Variants in CEP290 observed in about 807,000 individuals in gnomAD.
CEP290 encodes centrosomal protein of 290 kDa.
Under a neutral mutation model 344.9 loss-of-function variants are expected in CEP290, and 317 were observed. The ratio of observed to expected loss-of-function variants is 0.92; its 90% CI spans 0.84 to 1.01. CEP290 has a LOEUF of 1.01. Among genes scored for constraint, CEP290 ranks in the 50% least tolerant of loss-of-function variants. The probability of loss-of-function intolerance (pLI) is 0.00; values close to 1 mark genes in which losing one functional copy is unlikely to be tolerated. For synonymous variants in CEP290, 932 were observed against 895.8 expected, an observed-to-expected ratio of 1.04 and a Z score of -0.72; for missense variants, 2,754 against 2,761.4, an observed-to-expected ratio of 1.00 and a Z score of 0.06.
rs376027433 is a variant in CEP290, at chr12:88,093,845, T to C, written c.3234A>G (p.Lys1078=). ...NERQRAEHCQ[K]MYEHLRTSLK... Reference sequence around the variant, plus strand: ...ACGAAGTCCGTAAGTGTTCATACATTTTTTGACAATGTTCAGCCCGCTGCC... The same window carrying C: ...ACGAAGTCCGTAAGTGTTCATACATCTTTTGACAATGTTCAGCCCGCTGCC... The change falls in exon 28 of 54, where the codon AAA becomes AAG. Residue 1078 remains lysine (K), a synonymous_variant. Coordinates refer to ENST00000552810, the MANE Select transcript of CEP290 (RefSeq NM_025114.4). 43 of 1,612,896 alleles carry C rather than the reference T, an allele frequency of 2.7e-5. No individual in the cohort carries two copies. Among genetic ancestry groups the C allele is most frequent in the Non-Finnish European group, 3.6e-5 (42 of 1,179,390 alleles).
At chr12:88,079,495 C>T (rs1049832463) in intron 38 of CEP290, among the ~76,000 whole-genome samples, 3 of 151,960 alleles carry the variant, frequency 2.0e-5, no homozygotes, top group Non-Finnish European at 2.9e-5. Context: ...CAAGCTATTA[C>T]AAAAAACAGG....
At chr12:88,058,682 A>G (rs1229935172) in intron 49 of CEP290, 166 bp downstream of exon 49, 1 of 699,888 alleles carries the variant, frequency 1.4e-6, no homozygotes, top group African/African-American at 1.8e-5. Flanking sequence ...AGGAAGAAAA[A>G]GTCTCCAACA....
rs754587192 is a variant in CEP290, at chr12:88,096,968, T to G, written c.3023A>C (p.Glu1008Ala). The G allele has an allele frequency of 5.7e-6, 9 of 1,567,232 alleles. No homozygotes were observed. Among genetic ancestry groups the G allele is most frequent in the Non-Finnish European group, 7.8e-6 (9 of 1,153,204 alleles). The part of the protein sequence containing the change: ...CENISLKEQV[E>A]SINKELEITK... The stretch of plus-strand genomic sequence containing the variant: ...AATCTCCAGTTCTTTATTTATAGAC[T>G]CCACTTGTTCTTTTAAGGAGATGTT... The change falls in exon 27 of 54, where the codon GAG (glutamate) becomes GCG (alanine). Residue 1008 changes from glutamate to alanine, a missense_variant. Physicochemically the swap from Glu to Ala is moderately radical, Grantham distance 107. Transcript: ENST00000552810.
chr12:88,051,194 C>CTTT (rs11321423), intron 52 of CEP290, among the ~76,000 whole-genome samples: 1 of 86,440 alleles, frequency 1.2e-5, no homozygotes, highest in Non-Finnish European at 2.5e-5. Context: ...GGACAAGTAT[C>CTTT]TTTTTTTTTT....
At position 88,118,489 on chromosome 12, in the gene CEP290, T is replaced by G; in HGVS notation, c.1705A>C (p.Thr569Pro). ...TTAGAATAACTGAGTATACCTGAAG[T>G]TGCACTTCTTTTTCCTCTTTCTTGA... ...MAQERGKRSA[T>P]SGLTTEDLNL... Residue 569 changes from threonine to proline, a missense_variant, in exon 17 of 54, where the codon ACT (threonine) becomes CCT (proline). Thr to Pro is a conservative substitution (Grantham distance 38). Transcript: ENST00000552810. 1 of 1,556,098 alleles carries G rather than the reference T, an allele frequency of 6.4e-7. No homozygotes were observed. The highest frequency in any genetic ancestry group is 8.7e-7 in the Non-Finnish European group (1 of 1,148,630).
rs1197446816 is a variant in CEP290 at position 88,106,900 on chromosome 12, C to T, written c.2592G>A (p.Leu864=). 1.9e-6 allele frequency: 3 copies of T among 1,601,780 alleles called. No homozygotes were observed. In the East Asian group the frequency reaches 6.7e-5, roughly 36 times the overall value. Residue 864 remains leucine (L), a synonymous_variant, in exon 25 of 54, where the codon TTG becomes TTA. Coordinates refer to ENST00000552810, the MANE Select transcript of CEP290 (RefSeq NM_025114.4). ...DAIKVKEYNN[L]LNALQMDSDE... ...CCGAATCCATCTGAAGAGCATTGAG[C>T]AAATTCTGCACAAAGACACATCCAT... is the stretch of plus-strand genomic sequence containing the variant.
rs745494615 is a variant in CEP290 at position 88,139,573 on chromosome 12, T to C, written c.181-9A>G. On this transcript the variant is annotated splice_polypyrimidine_tract_variant and intron_variant, in intron 3 of 53. Coordinates refer to ENST00000552810, the MANE Select transcript of CEP290 (RefSeq NM_025114.4). ...ACTTCTTGAGCTTTCATCTAAACAT[T>C]AAAAAAAGGTTATTTCAATATGCCT... is the stretch of plus-strand genomic sequence containing the variant. 3.5e-5 allele frequency: 54 copies of C among 1,549,722 alleles called. No homozygotes were observed. The highest frequency in any genetic ancestry group is 4.4e-5 in the Non-Finnish European group (51 of 1,151,224).
chr12:88,062,707 A>G lies in CEP290; in HGVS notation c.6342T>C (p.Leu2114=). Residue 2114 remains leucine (L), a synonymous_variant, in exon 46 of 54, where the codon CTT becomes CTC. Coordinates refer to ENST00000552810, the MANE Select transcript of CEP290 (RefSeq NM_025114.4). ...TCTCACATACCCCTCTAACATGGCC[A>G]AGTTTCCGCTGAACTTCTGCTTTTT... The part of the protein sequence containing the change: ...KKEKAEVQRK[L]GHVRGSGRSG... 6.2e-7 allele frequency: 1 copy of G among 1,604,014 alleles called. No individual in the cohort carries two copies. Among genetic ancestry groups the G allele is most frequent in the Non-Finnish European group, 8.5e-7 (1 of 1,174,460 alleles).
rs560351950 is a variant in CEP290, at chr12:88,120,794, T to C, written c.1359+203A>G. ...AAAACTGATTATTTGGACAAATCAC[T>C]GTGATCAAAAGTTTGAAAACAATTC... On this transcript the variant is annotated intron_variant, in intron 14 of 53. Transcript: ENST00000552810. 4.7e-4 allele frequency among the ~76,000 whole-genome samples: 71 copies of C among 152,320 alleles called. No individual in the cohort carries two copies. In the South Asian group the frequency reaches 0.013, roughly 27 times the overall value.
At chr12:88,072,332 T>C (rs2035443121) in intron 41 of CEP290, among the ~76,000 whole-genome samples, 1 of 152,100 alleles carries the variant, frequency 6.6e-6, no homozygotes, top group South Asian at 2.1e-4. Context: ...TGAGGTCACA[T>C]CAGAATTTTC....
intron 41 of CEP290, among the ~76,000 whole-genome samples, chr12:88,074,724 G>A (rs2035632346): frequency 6.6e-6 from 1 of 152,116 alleles, no homozygotes; most frequent in Admixed American, 6.6e-5. Context: ...CCTAATACGA[G>A]GGGGTCCTGC....
At position 88,077,775 on chromosome 12, in the gene CEP290, T is replaced by A. The variant is rs1565822532; in HGVS notation, c.5508A>T (p.Ile1836=). The A allele has an allele frequency of 6.3e-6, 10 of 1,579,288 alleles. No individual in the cohort carries two copies. Among genetic ancestry groups the A allele is most frequent in the Non-Finnish European group, 7.7e-6 (9 of 1,161,368 alleles). Residue 1836 remains isoleucine (I), a synonymous_variant, in exon 40 of 54, where the codon ATA becomes ATT. Coordinates refer to ENST00000552810, the MANE Select transcript of CEP290 (RefSeq NM_025114.4). ...LQKKQKAYNK[I]LREKEEIDQE... is the part of the protein sequence containing the mutation. ...GATCAATTTCCTCTTTCTCTCTAAG[T>A]ATTTTATTATAGGCTTTTTGTTTCT...
Position 88,136,700 on chromosome 12 carries a change from A to G in CEP290, c.384T>C (p.Asp128=), listed in dbSNP as rs76267039. Residue 128 remains aspartate (D), a synonymous_variant, in exon 6 of 54, where the codon GAT becomes GAC. Coordinates refer to ENST00000552810, the MANE Select transcript of CEP290 (RefSeq NM_025114.4). The stretch of plus-strand genomic sequence containing the variant: ...CCTTTTCCATGTCCTCCAATTCTCT[A>G]TCTTTTTGTTCTAATTGTTTTTCAA... The part of the protein sequence containing the change: ...CQLEKQLEQK[D]RELEDMEKEL... The G allele has an allele frequency of 2.0e-4, 321 of 1,613,236 alleles. 1 individual carries two copies. In the East Asian group the frequency reaches 5.8e-3, roughly 29 times the overall value.
chr12:88,071,680 TA>T (rs1376429820), intron 42 of CEP290, 100 bp downstream of exon 42: 2 of 972,964 alleles, frequency 2.1e-6, no homozygotes, highest in East Asian at 5.6e-5. Context: ...TCATTTAAAC[TA>T]GACCATTTCT....
chr12:88,135,392 T>C (rs535743813), intron 6 of CEP290, among the ~76,000 whole-genome samples: 1 of 152,282 alleles, frequency 6.6e-6, no homozygotes, highest in African/African-American at 2.4e-5. Context: ...TACAGGTCTA[T>C]ATAGAAGAAC....
chr12:88,128,246 C>T (rs572652429), intron 11 of CEP290, among the ~76,000 whole-genome samples: 1 of 152,178 alleles, frequency 6.6e-6, no homozygotes, highest in South Asian at 2.1e-4. Flanking sequence ...ATTTCCATTG[C>T]TAATGCTTTT....
intron 35 of CEP290, 41 bp from the exon 36 acceptor site, chr12:88,083,995 T>G (rs1295742035): frequency 1.6e-6 from 2 of 1,234,702 alleles, no homozygotes; most frequent in African/African-American, 1.5e-5. Flanking sequence ...AAATTGTGAT[T>G]AAAACAAATT....
At chr12:88,118,825 T>C (rs921964067) in intron 15 of CEP290, 82 bp from the exon 16 acceptor site, 14 of 896,976 alleles carry the variant, frequency 1.6e-5, no homozygotes, top group Non-Finnish European at 2.3e-5. Context: ...AAGCAACTGG[T>C]TATAATTCAC....
chr12:88,062,866 C>G, intron 45 of CEP290, 88 bp from the exon 46 acceptor site: 1 of 808,236 alleles, frequency 1.2e-6, no homozygotes, highest in African/African-American at 1.7e-5. Flanking sequence ...AACCATCAAT[C>G]TCTTCAACTG....
Sources: allele counts gnomAD v4.1 joint callset (sites outside exome capture counted in the v4.1 genomes callset), GRCh38; gene constraint gnomAD v4.1.1; transcripts MANE v1.5; gene names NCBI Gene and HGNC (gene_info 2026-07-23, HGNC 2026-07-21).